GABRB1: variants seen among roughly 807,000 people sequenced by gnomAD.
GABRB1 encodes the protein gamma-aminobutyric acid type A receptor subunit beta1.
A neutral mutation model predicts 51.6 loss-of-function variants in GABRB1; 17 were observed. The observed-to-expected ratio is 0.33, with a 90% CI of 0.23 to 0.49. The LOEUF (loss-of-function observed/expected upper bound fraction) is 0.49, where lower values mean the gene tolerates loss of function less well. Among genes scored for constraint, GABRB1 ranks in the 20% least tolerant of loss-of-function variants. The probability of loss-of-function intolerance (pLI) is 0.99; values close to 1 mark genes in which losing one functional copy is unlikely to be tolerated. For missense variants in GABRB1, 410 were observed against 600.6 expected (o/e 0.68, Z 3.32); for synonymous variants, 247 against 218.9 (o/e 1.13, Z -1.14).
Position 47,300,288 on chromosome 4 carries a change from AC to A in GABRB1, c.462-19838del, listed in dbSNP as rs539095791. Among the ~76,000 whole-genome samples the A allele has an allele frequency of 2.0e-5, 3 of 152,222 alleles. No homozygotes were observed. In the South Asian group the frequency reaches 6.2e-4, roughly 32 times the overall value. ...TTAAAAAAGTGTTAATAGTAAAAAA[AC>A]AAAGAAATTATCTAAATAGCCAGTG... is the stretch of plus-strand genomic sequence containing the variant. On this transcript the variant is annotated intron_variant, in intron 4 of 8. Transcript: ENST00000295454.
chr4:47,343,013 AG>A, intron 5 of GABRB1, among the ~76,000 whole-genome samples: 1 of 152,264 alleles, frequency 6.6e-6, no homozygotes, highest in South Asian at 2.1e-4. Context: ...ATGCTCCACA[AG>A]CTTGGATAAT....
intron 4 of GABRB1, among the ~76,000 whole-genome samples, chr4:47,206,558 G>A (rs929595005): frequency 6.6e-6 from 1 of 151,800 alleles, no homozygotes; most frequent in Admixed American, 6.6e-5. Context: ...TTGTTTTGTT[G>A]CTTACTATGT....
At chr4:47,037,747 T>C (rs1441679793) in intron 3 of GABRB1, among the ~76,000 whole-genome samples, 1 of 152,202 alleles carries the variant, frequency 6.6e-6, no homozygotes, top group Non-Finnish European at 1.5e-5. Context: ...ATCAGTGCTT[T>C]ACATTAATAG....
intron 1 of GABRB1, among the ~76,000 whole-genome samples, chr4:46,995,038 A>G (rs1723943110): frequency 1.3e-5 from 2 of 152,162 alleles, no homozygotes; most frequent in South Asian, 4.1e-4. Context: ...TGTTAACTTC[A>G]TCCTAATCCC....
At chr4:47,124,579 A>T (rs1397380661) in intron 3 of GABRB1, among the ~76,000 whole-genome samples, 4 of 152,228 alleles carry the variant, frequency 2.6e-5, no homozygotes, top group African/African-American at 9.6e-5. Context: ...AAGGATTCTC[A>T]GTGCACTACA....
In GABRB1 at chr4:47,112,391, G is replaced by A. The variant is rs554635922; in HGVS notation, c.241-48858G>A. Among the ~76,000 whole-genome samples, 121 of 152,064 alleles carry A rather than the reference G, an allele frequency of 8.0e-4. 2 individuals carry two copies. The highest frequency in any genetic ancestry group is 2.2e-4 in the Non-Finnish European group (15 of 68,004). The stretch of plus-strand genomic sequence containing the variant: ...AGTGCTGGGATTACAGGCGTGAGCC[G>A]CCACACCCAGCCTAAAAAGTAGTAT... On this transcript the variant is annotated intron_variant, in intron 3 of 8. Transcript: ENST00000295454.
chr4:47,169,114 A>G (rs1393150428), intron 4 of GABRB1, among the ~76,000 whole-genome samples: 1 of 152,148 alleles, frequency 6.6e-6, no homozygotes, highest in Non-Finnish European at 1.5e-5. Flanking sequence ...CCACATATGA[A>G]TTTGACGAGA....
At chr4:47,008,046 G>T (rs1202324833) in intron 1 of GABRB1, among the ~76,000 whole-genome samples, 1 of 152,008 alleles carries the variant, frequency 6.6e-6, no homozygotes. Flanking sequence ...GGTGAGTGTG[G>T]TTGCTTGAAC....
rs188626412 is a variant in GABRB1 at position 47,144,704 on chromosome 4, C to A, written c.241-16545C>A. On this transcript the variant is annotated intron_variant, in intron 3 of 8. Coordinates refer to ENST00000295454, the MANE Select transcript of GABRB1 (RefSeq NM_000812.4). Reference sequence around the variant, plus strand: ...AATTTAGATTGATTTGACACCAAATCTTATACTCTCATCATGATACTATAT... The same window carrying A: ...AATTTAGATTGATTTGACACCAAATATTATACTCTCATCATGATACTATAT... 3.9e-4 allele frequency among the ~76,000 whole-genome samples: 59 copies of A among 151,942 alleles called. No individual in the cohort carries two copies. The East Asian group carries it at 0.011, about 27-fold the overall frequency.
chr4:47,184,771 C>T (rs1467736529), intron 4 of GABRB1, among the ~76,000 whole-genome samples: 1 of 151,854 alleles, frequency 6.6e-6, no homozygotes, highest in African/African-American at 2.4e-5. Flanking sequence ...AGGCTGTCCA[C>T]CTCAACCTTC....
intron 5 of GABRB1, among the ~76,000 whole-genome samples, chr4:47,400,434 G>A (rs1012111492): frequency 6.6e-6 from 1 of 151,892 alleles, no homozygotes; most frequent in African/African-American, 2.4e-5. Context: ...TATTCTTTGG[G>A]GTTTGGGCCC....
At chr4:47,267,536 T>G (rs1211491487) in intron 4 of GABRB1, among the ~76,000 whole-genome samples, 1 of 151,900 alleles carries the variant, frequency 6.6e-6, no homozygotes, top group African/African-American at 2.4e-5. Flanking sequence ...GGCTCACGCC[T>G]GTAATCTCAG....
chr4:47,270,109 A>G (rs73815421), intron 4 of GABRB1, among the ~76,000 whole-genome samples: 3,354 of 152,256 alleles, frequency 0.022, 140 homozygotes, highest in African/African-American at 0.077. Flanking sequence ...GACTATTTCT[A>G]TCTTCCAAAA....
chr4:47,349,978 T>C (rs1726247432), intron 5 of GABRB1, among the ~76,000 whole-genome samples: 1 of 151,970 alleles, frequency 6.6e-6, no homozygotes, highest in South Asian at 2.1e-4. Context: ...TGTAGAAACA[T>C]TTTCTGACTT....
chr4:47,264,251 CT>C (rs1722562031), intron 4 of GABRB1, among the ~76,000 whole-genome samples: 1 of 152,092 alleles, frequency 6.6e-6, no homozygotes, highest in South Asian at 2.1e-4. Flanking sequence ...GTATTTTTTC[CT>C]ACAATGTTTG....
intron 4 of GABRB1, among the ~76,000 whole-genome samples, chr4:47,284,258 C>A (rs1329975224): frequency 6.6e-6 from 1 of 152,084 alleles, no homozygotes; most frequent in Non-Finnish European, 1.5e-5. Flanking sequence ...CCCTCACCAG[C>A]AATGCTCTGC....
chr4:47,154,293 T>G (rs1717594771), intron 3 of GABRB1, among the ~76,000 whole-genome samples: 1 of 150,940 alleles, frequency 6.6e-6, no homozygotes, highest in African/African-American at 2.4e-5. Flanking sequence ...GGGGCGTTTC[T>G]TTTTACTGGC....
At chr4:47,301,032 A>T (rs958813852) in intron 4 of GABRB1, among the ~76,000 whole-genome samples, 1 of 152,176 alleles carries the variant, frequency 6.6e-6, no homozygotes. Context: ...GCTGTCACCA[A>T]TGTAGAATAA....
intron 5 of GABRB1, among the ~76,000 whole-genome samples, chr4:47,326,065 T>C (rs570742099): frequency 3.0e-4 from 46 of 152,326 alleles, no homozygotes; most frequent in African/African-American, 7.9e-4. Context: ...ATACCCTTGA[T>C]TGGAGCATGA....
Sources: allele counts gnomAD v4.1 joint callset (sites outside exome capture counted in the v4.1 genomes callset), GRCh38; gene constraint gnomAD v4.1.1; transcripts MANE v1.5; gene names NCBI Gene and HGNC (gene_info 2026-07-23, HGNC 2026-07-21).